Variants in TRPM3 observed in about 807,000 individuals in gnomAD.
The protein encoded by TRPM3 is long transient receptor potential channel 3.
A neutral mutation model predicts 181.2 loss-of-function variants in TRPM3; 77 were observed. The observed-to-expected ratio is 0.42, with a 90% CI of 0.35 to 0.51. The LOEUF is 0.51. Among genes scored for constraint, TRPM3 ranks in the 20% least tolerant of loss-of-function variants. TRPM3 has a pLI of 0.01. For missense variants in TRPM3, 1,759 were observed against 2,196.7 expected, an observed-to-expected ratio of 0.80 and a Z score of 3.98; for synonymous variants, 745 against 796.4, an observed-to-expected ratio of 0.94 and a Z score of 1.09.
Position 71,330,522 on chromosome 9 carries a change from G to A in TRPM3, c.183+116131C>T, listed in dbSNP as rs537338858. Among the ~76,000 whole-genome samples, 121 of 151,784 alleles carry A rather than the reference G, an allele frequency of 8.0e-4. 7 individuals are homozygous for A. Among genetic ancestry groups the A allele is most frequent in the African/African-American group, 2.8e-3 (114 of 41,370 alleles). ...TGATCACAATATCCCTGAAATGTTA[G>A]AATTTCCTACTGCCAATATTTTTCT... On this transcript the variant is annotated intron_variant, in intron 1 of 24. Coordinates refer to the TRPM3 transcript ENST00000357533.
intron 1 of TRPM3, among the ~76,000 whole-genome samples, chr9:70,955,646 T>C (rs2097060246): frequency 6.6e-6 from 1 of 152,232 alleles, no homozygotes; most frequent in South Asian, 2.1e-4. Context: ...TCCAAAATTT[T>C]TGACCACTAT....
chr9:70,777,501 C>G (rs1030250075), intron 7 of TRPM3, among the ~76,000 whole-genome samples: 5 of 152,012 alleles, frequency 3.3e-5, no homozygotes, highest in Non-Finnish European at 5.9e-5. Context: ...TTATTTCACA[C>G]TTTCTTAAAT....
At chr9:71,324,819 A>G (rs983569536) in intron 1 of TRPM3, among the ~76,000 whole-genome samples, 4 of 152,118 alleles carry the variant, frequency 2.6e-5, no homozygotes, top group African/African-American at 9.7e-5. Context: ...TTAAAGTAAC[A>G]TGGATGGAAT....
chr9:70,826,550 T>C (rs1411027281), intron 6 of TRPM3: 1 of 151,698 alleles, frequency 6.6e-6, no homozygotes, highest in Non-Finnish European at 1.5e-5. Flanking sequence ...CCCTAAAAGG[T>C]GGGACCAGAA....
At chr9:71,331,742 GAGGAGGAAAAGGGGGAGAAAAAGGAGA>G (rs1196920134) in intron 1 of TRPM3, among the ~76,000 whole-genome samples, 3 of 84,138 alleles carry the variant, frequency 3.6e-5, no homozygotes, top group African/African-American at 1.4e-4. Flanking sequence ...GAAAAAGGAG[GAGGAGGAAAAGGGGGAGAAAAAGGAGA>G]AGGGGAAGAG....
intron 4 of TRPM3, among the ~76,000 whole-genome samples, chr9:70,844,781 C>T (rs10746856): frequency 0.57 from 86,305 of 152,054 alleles, 24,852 homozygotes; most frequent in Non-Finnish European, 0.58. Context: ...TATAAAAGAA[C>T]AAAAATAATA....
At chr9:71,038,884 GA>G (rs2058509971) in intron 1 of TRPM3, among the ~76,000 whole-genome samples, 1 of 152,142 alleles carries the variant, frequency 6.6e-6, no homozygotes, top group Non-Finnish European at 1.5e-5. Context: ...TCCCACAGCA[GA>G]AAGATGCTCA....
chr9:70,768,653 G>T (rs1038246915), intron 7 of TRPM3, among the ~76,000 whole-genome samples: 1 of 151,950 alleles, frequency 6.6e-6, no homozygotes, highest in African/African-American at 2.4e-5. Context: ...AGGTGTGGTG[G>T]CTCACATCGA....
chr9:71,011,770 GT>G (rs1284794876), intron 1 of TRPM3, among the ~76,000 whole-genome samples: 83 of 120,900 alleles, frequency 6.9e-4, no homozygotes, highest in African/African-American at 1.6e-3. Flanking sequence ...TTCATCCATG[GT>G]TTTTTTTTTT....
intron 1 of TRPM3, among the ~76,000 whole-genome samples, chr9:71,151,891 C>T: frequency 6.6e-6 from 1 of 152,042 alleles, no homozygotes; most frequent in Non-Finnish European, 1.5e-5. Context: ...TCGCTGAGCT[C>T]TCATGTGAAG....
intron 1 of TRPM3, among the ~76,000 whole-genome samples, chr9:71,350,848 A>T (rs2091583580): frequency 6.6e-6 from 1 of 152,204 alleles, no homozygotes; most frequent in Non-Finnish European, 1.5e-5. Flanking sequence ...CAGTGAGAAC[A>T]TTTGAAAGAT....
chr9:71,213,266 T>C (rs13290512), intron 1 of TRPM3, among the ~76,000 whole-genome samples: 7,970 of 152,282 alleles, frequency 0.052, 233 homozygotes, highest in East Asian at 0.11. Context: ...TTTTCATGTG[T>C]TATTAAATAT....
At chr9:70,839,048 A>T (rs4443722) in intron 5 of TRPM3, among the ~76,000 whole-genome samples, 33,005 of 152,132 alleles carry the variant, frequency 0.22, 4,422 homozygotes, top group Non-Finnish European at 0.29. Context: ...GCTATCTAAG[A>T]AAACAGTTTT....
chr9:71,427,288 A>T (rs2093881443), intron 1 of TRPM3, among the ~76,000 whole-genome samples: 1 of 152,212 alleles, frequency 6.6e-6, no homozygotes, highest in South Asian at 2.1e-4. Context: ...TGCCCAGACC[A>T]TCAGAAGCAG....
chr9:71,134,024 C>A (rs1013726997), intron 1 of TRPM3, among the ~76,000 whole-genome samples: 1 of 146,980 alleles, frequency 6.8e-6, no homozygotes, highest in Non-Finnish European at 1.5e-5. Context: ...TGCGCGTGCG[C>A]GCGCGCGCGT....
At chr9:71,446,732 C>A in exon 1 of TRPM3, 1 of 1,550,596 alleles carries the variant, frequency 6.4e-7, no homozygotes, top group Non-Finnish European at 8.7e-7. Context: ...CTCGGCAAAC[C>A]TGCCCCGGCT....
Position 70,535,329 on chromosome 9 carries a change from A to G in TRPM3, c.*624T>C, listed in dbSNP as rs899264267. 6.0e-6 allele frequency: 8 copies of G among 1,332,556 alleles called. No homozygotes were observed. Among genetic ancestry groups the G allele is most frequent in the African/African-American group, 5.8e-5 (4 of 68,440 alleles). 82.5% of individuals were successfully genotyped at this position (1,332,556 alleles called of 1,614,324 possible). A position where few individuals can be genotyped will look rare whatever the true frequency, so the allele number is the denominator to read the frequency against. The stretch of plus-strand genomic sequence containing the variant: ...GAAGTGAATAGATAAGAGACAGGTG[A>G]ACTATGACTGTTACCTTGTTTTTTC... On this transcript the variant is annotated 3_prime_UTR_variant, in exon 26 of 26. Coordinates refer to ENST00000677713, the MANE Select transcript of TRPM3 (RefSeq NM_001366145.2).
In TRPM3 at chr9:71,175,348, T is replaced by G. The variant is rs995137979; in HGVS notation, c.183+271305A>C. ...TCCTCCCTTCAAGAGGAACAGAAGG[T>G]GAGAGAACAAGAGCTGAGACAGGTC... On this transcript the variant is annotated intron_variant, in intron 1 of 24. Transcript: ENST00000357533. Among the ~76,000 whole-genome samples, 51 of 152,062 alleles carry G rather than the reference T, an allele frequency of 3.4e-4. 2 individuals carry two copies. Among genetic ancestry groups the G allele is most frequent in the Non-Finnish European group, 1.5e-5 (1 of 68,024 alleles).
chr9:70,975,968 T>A (rs146816415), intron 1 of TRPM3, among the ~76,000 whole-genome samples: 21 of 152,280 alleles, frequency 1.4e-4, no homozygotes, highest in African/African-American at 4.1e-4. Flanking sequence ...ACGGCACATT[T>A]TAATTCCCCT....
Sources: allele counts gnomAD v4.1 joint callset (sites outside exome capture counted in the v4.1 genomes callset), GRCh38; gene constraint gnomAD v4.1.1; transcripts MANE v1.5; gene names NCBI Gene and HGNC (gene_info 2026-07-23, HGNC 2026-07-21).